Variants in ABCB5 observed in about 807,000 individuals in gnomAD.
ABCB5 encodes ATP binding cassette subfamily B member 5, also known as ATP-binding cassette sub-family B member 5.
In ABCB5, 155 loss-of-function variants were observed where a neutral mutation model predicts 144.2. That is an observed-to-expected ratio of 1.08 (90% CI 0.94 to 1.23). The LOEUF (loss-of-function observed/expected upper bound fraction) is 1.23. Ranked by LOEUF, ABCB5 falls within the 50% of genes most tolerant of loss-of-function variation. The pLI, the probability that ABCB5 is intolerant of heterozygous loss-of-function variation, is 0.00. For missense variants in ABCB5, 1,830 were observed against 1,520.8 expected, an observed-to-expected ratio of 1.20 and a Z score of -3.38; for synonymous variants, 610 against 528.6, an observed-to-expected ratio of 1.15 and a Z score of -2.11.
chr7:20,713,859 T>C (rs1781578591), intron 20 of ABCB5, among the ~76,000 whole-genome samples: 1 of 133,470 alleles, frequency 7.5e-6, no homozygotes, highest in African/African-American at 2.8e-5. Context: ...CCTCTGCAGA[T>C]ATCTCGATTT....
chr7:20,644,332 G>A (rs1230418801), intron 7 of ABCB5, among the ~76,000 whole-genome samples: 3 of 150,760 alleles, frequency 2.0e-5, no homozygotes, highest in Admixed American at 1.3e-4. Flanking sequence ...GCCCACCTCG[G>A]CCCCACAAAC....
chr7:20,626,854 G>GGTGTGTGTGTGTGT (rs370537783), intron 3 of ABCB5, among the ~76,000 whole-genome samples: 6 of 143,670 alleles, frequency 4.2e-5, no homozygotes, highest in African/African-American at 1.3e-4. Flanking sequence ...GTGTTTTTGG[G>GGTGTGTGTGTGTGT]GTGTGTGTGT....
chr7:20,718,305 T>G (rs1004690842), intron 20 of ABCB5, among the ~76,000 whole-genome samples: 1 of 152,206 alleles, frequency 6.6e-6, no homozygotes, highest in African/African-American at 2.4e-5. Flanking sequence ...ACATCACCAT[T>G]TATCTCTTTT....
chr7:20,706,120 A>C, intron 20 of ABCB5, among the ~76,000 whole-genome samples: 1 of 152,162 alleles, frequency 6.6e-6, no homozygotes, highest in East Asian at 1.9e-4. Context: ...ATAGAATTTC[A>C]CTTAATAATC....
chr7:20,616,289 G>T (rs1783683376), intron 1 of ABCB5, among the ~76,000 whole-genome samples: 1 of 152,180 alleles, frequency 6.6e-6, no homozygotes, highest in Admixed American at 6.5e-5. Flanking sequence ...AGCCGCCTTG[G>T]CCTCCCAAAG....
chr7:20,704,363 G>A (rs927535855), intron 19 of ABCB5, among the ~76,000 whole-genome samples: 2 of 151,906 alleles, frequency 1.3e-5, no homozygotes, highest in African/African-American at 2.4e-5. Flanking sequence ...GTGAGCCACC[G>A]CTCTGGCCTT....
intron 5 of ABCB5, among the ~76,000 whole-genome samples, chr7:20,634,238 TTGTGTGTGTGTGTGTG>T (rs10688708): frequency 7.1e-6 from 1 of 140,448 alleles, no homozygotes; most frequent in African/African-American, 2.7e-5. Context: ...GTATTCCATG[TTGTGTGTGTGTGTGTG>T]TGTGTGTGTG....
intron 14 of ABCB5, among the ~76,000 whole-genome samples, chr7:20,666,196 G>A (rs977238987): frequency 2.7e-5 from 4 of 150,830 alleles, no homozygotes; most frequent in African/African-American, 7.3e-5. Context: ...AAAAGTTGAC[G>A]ATAACAGCAC....
intron 24 of ABCB5, among the ~76,000 whole-genome samples, chr7:20,740,023 A>T (rs181768918): frequency 2.0e-5 from 3 of 152,146 alleles, no homozygotes; most frequent in Non-Finnish European, 4.4e-5. Flanking sequence ...CGAGGTCAGG[A>T]GATCGAGTCC....
At chr7:20,664,820 G>C (rs1253360994) in intron 14 of ABCB5, among the ~76,000 whole-genome samples, 1 of 152,136 alleles carries the variant, frequency 6.6e-6, no homozygotes, top group East Asian at 1.9e-4. Flanking sequence ...GCTGGGAGTG[G>C]TGGCTCACAC....
At chr7:20,666,871 G>A in intron 14 of ABCB5, 1 of 1,352,750 alleles carries the variant, frequency 7.4e-7, no homozygotes, top group Non-Finnish European at 9.6e-7. Context: ...CACTAATTCT[G>A]GCTAAAAGAC....
rs1785160124 is a variant in ABCB5, at chr7:20,665,752, TAGATAGATAGATAG to T, written c.1707+7082_1707+7095del. Among the ~76,000 whole-genome samples the T allele has an allele frequency of 6.5e-5, 9 of 139,332 alleles. No individual in the cohort carries two copies. The South Asian group carries it at 1.5e-3, about 23-fold the overall frequency. The allele number at this position is 139,332 out of a possible 152,430, so 91.4% of individuals were successfully genotyped here. The stretch of plus-strand genomic sequence containing the variant: ...ATAGATAGATAGATAGATAGATAGA[TAGATAGATAGATAG>T]AGATACATACATACATACATACATA... On this transcript the variant is annotated intron_variant, in intron 14 of 27. Transcript: ENST00000404938.
chr7:20,662,980 C>T (rs1025454788), intron 14 of ABCB5, among the ~76,000 whole-genome samples: 3 of 152,190 alleles, frequency 2.0e-5, no homozygotes, highest in African/African-American at 7.2e-5. Flanking sequence ...AACAGCTAAT[C>T]CTCACAAGAT....
At chr7:20,635,795 T>A (rs933080840) in intron 5 of ABCB5, among the ~76,000 whole-genome samples, 7 of 152,142 alleles carry the variant, frequency 4.6e-5, no homozygotes, top group Admixed American at 3.9e-4. Flanking sequence ...TCTAGGAGTA[T>A]TTTGGTGGAA....
At chr7:20,699,791 C>A (rs776271114) in intron 17 of ABCB5, 34 bp from the exon 18 acceptor site, 1 of 1,416,024 alleles carries the variant, frequency 7.1e-7, no homozygotes, top group South Asian at 1.3e-5. Flanking sequence ...TATATTTTCC[C>A]CCAAACACCT....
At chr7:20,656,912 CTTTTTTTTTTTTT>C (rs749816471) in intron 13 of ABCB5, among the ~76,000 whole-genome samples, 1 of 58,582 alleles carries the variant, frequency 1.7e-5, no homozygotes, top group Non-Finnish European at 3.2e-5. Flanking sequence ...TTTCCTTTTT[CTTTTTTTTTTTTT>C]TTTTTTTGAT....
At chr7:20,640,424 C>A in intron 5 of ABCB5, among the ~76,000 whole-genome samples, 1 of 152,028 alleles carries the variant, frequency 6.6e-6, no homozygotes, top group East Asian at 1.9e-4. Flanking sequence ...GTCAACAGCA[C>A]TATATCTCAC....
intron 5 of ABCB5, 60 bp downstream of exon 5, chr7:20,632,173 C>T (rs182674499): frequency 2.0e-5 from 25 of 1,241,958 alleles, no homozygotes; most frequent in East Asian, 2.7e-5. Flanking sequence ...TTAAAGCTTA[C>T]AAGAAAAAAG....
chr7:20,625,603 C>G (rs547652020), intron 2 of ABCB5, among the ~76,000 whole-genome samples: 14 of 152,194 alleles, frequency 9.2e-5, no homozygotes, highest in African/African-American at 3.4e-4. Context: ...TTGCAATCCA[C>G]CACTTCATAC....
Sources: gnomAD v4.1 joint callset for allele counts (sites outside exome capture counted in the v4.1 genomes callset) on GRCh38, gnomAD v4.1.1 for gene constraint, MANE v1.5 for transcripts, NCBI Gene and HGNC (gene_info 2026-07-23, HGNC 2026-07-21) for gene names.